Variants in PARD3 observed in about 807,000 individuals in gnomAD.
PARD3 encodes the protein par-3 family cell polarity regulator.
PARD3 carries 75 observed loss-of-function variants against 155.4 expected under a neutral mutation model. That is an observed-to-expected ratio of 0.48 (90% CI 0.40 to 0.58). PARD3 has a LOEUF of 0.58. Among genes scored for constraint, PARD3 ranks in the 20% least tolerant of loss-of-function variants. The probability of loss-of-function intolerance (pLI) is 0.00; values close to 1 mark genes in which losing one functional copy is unlikely to be tolerated. For missense variants in PARD3, 1,642 were observed against 1,721.7 expected (o/e 0.95, Z 0.82); for synonymous variants, 576 against 610.5 (o/e 0.94, Z 0.83).
intron 1 of PARD3, among the ~76,000 whole-genome samples, chr10:34,806,705 T>C (rs1162084337): frequency 3.3e-5 from 5 of 152,006 alleles, no homozygotes; most frequent in African/African-American, 7.2e-5. Context: ...CATTTCAAAG[T>C]TGGGGGGGTC....
chr10:34,240,837 C>T (rs1194165555), intron 22 of PARD3, among the ~76,000 whole-genome samples: 1 of 152,048 alleles, frequency 6.6e-6, no homozygotes, highest in Non-Finnish European at 1.5e-5. Flanking sequence ...GAGAGAAGGA[C>T]CTCGAGCAGA....
intron 1 of PARD3, among the ~76,000 whole-genome samples, chr10:34,705,263 A>C (rs6481907): frequency 6.6e-6 from 1 of 151,908 alleles, no homozygotes; most frequent in Non-Finnish European, 1.5e-5. Context: ...CCAGGAGTTC[A>C]AGACCAGCCT....
chr10:34,145,215 ATATATATTTT>A (rs1352834318), intron 22 of PARD3, among the ~76,000 whole-genome samples: 13 of 57,614 alleles, frequency 2.3e-4, no homozygotes, highest in African/African-American at 1.2e-3. Flanking sequence ...ATATATATAT[ATATATATTTT>A]TTTTTTTTTT....
chr10:34,600,514 C>G (rs2089672632), intron 2 of PARD3, among the ~76,000 whole-genome samples: 1 of 151,924 alleles, frequency 6.6e-6, no homozygotes, highest in Non-Finnish European at 1.5e-5. Context: ...CATGTGTCCA[C>G]CAGAATATCT....
intron 1 of PARD3, among the ~76,000 whole-genome samples, chr10:34,707,603 C>T (rs184029205): frequency 6.6e-6 from 1 of 152,198 alleles, no homozygotes; most frequent in Admixed American, 6.5e-5. Context: ...CTATACACTA[C>T]GTTTTAGCCC....
At chr10:34,561,193 AAG>A (rs2134058933) in intron 2 of PARD3, among the ~76,000 whole-genome samples, 1 of 152,276 alleles carries the variant, frequency 6.6e-6, no homozygotes, top group African/African-American at 2.4e-5. Flanking sequence ...TAAGAAAATC[AAG>A]AGGTCTCTGA....
chr10:34,572,485 C>A (rs1474157601), intron 2 of PARD3, among the ~76,000 whole-genome samples: 2 of 151,840 alleles, frequency 1.3e-5, no homozygotes, highest in African/African-American at 4.8e-5. Context: ...ACCAAAAATA[C>A]AAAAATTAGC....
At chr10:34,145,452 A>G (rs184324448) in intron 22 of PARD3, among the ~76,000 whole-genome samples, 1 of 151,594 alleles carries the variant, frequency 6.6e-6, no homozygotes, top group African/African-American at 2.4e-5. Flanking sequence ...TGGACCTCCC[A>G]GAATGAACTT....
At chr10:34,530,339 T>A (rs917094110) in intron 2 of PARD3, among the ~76,000 whole-genome samples, 2 of 152,206 alleles carry the variant, frequency 1.3e-5, no homozygotes, top group Non-Finnish European at 2.9e-5. Context: ...GTCCATATTA[T>A]AAAAGAAGTC....
intron 1 of PARD3, among the ~76,000 whole-genome samples, chr10:34,807,692 A>C (rs1186683011): frequency 1.5e-5 from 1 of 65,780 alleles, no homozygotes; most frequent in African/African-American, 1.2e-4. Context: ...GTGTGTGTGT[A>C]TATATATAAA....
intron 22 of PARD3, among the ~76,000 whole-genome samples, chr10:34,198,745 T>C (rs1951073116): frequency 6.6e-6 from 1 of 152,064 alleles, no homozygotes; most frequent in African/African-American, 2.4e-5. Flanking sequence ...CCCCAAACAG[T>C]CAACCCCTTA....
intron 4 of PARD3, among the ~76,000 whole-genome samples, chr10:34,459,673 T>G (rs1270978757): frequency 6.6e-6 from 1 of 152,142 alleles, no homozygotes; most frequent in African/African-American, 2.4e-5. Context: ...ATTATTTAGA[T>G]GTGCATCATA....
intron 22 of PARD3, among the ~76,000 whole-genome samples, chr10:34,169,001 C>A (rs1295795170): frequency 1.3e-5 from 2 of 152,238 alleles, no homozygotes; most frequent in Non-Finnish European, 2.9e-5. Flanking sequence ...AGTACAGAAT[C>A]TTCTCTGCTC....
At chr10:34,641,717 C>G (rs1476403271) in intron 2 of PARD3, among the ~76,000 whole-genome samples, 1 of 152,196 alleles carries the variant, frequency 6.6e-6, no homozygotes, top group Non-Finnish European at 1.5e-5. Flanking sequence ...CGCAGTTCAT[C>G]AGTCCTGAGC....
chr10:34,533,476 A>G (rs2083000116), intron 2 of PARD3, among the ~76,000 whole-genome samples: 1 of 152,138 alleles, frequency 6.6e-6, no homozygotes, highest in African/African-American at 2.4e-5. Flanking sequence ...ATCACTCTAT[A>G]TCAACTATAA....
At chr10:34,134,433 G>T (rs980123454) in intron 22 of PARD3, among the ~76,000 whole-genome samples, 3 of 152,196 alleles carry the variant, frequency 2.0e-5, no homozygotes, top group African/African-American at 7.2e-5. Context: ...TTAGGATCAT[G>T]AAGTTGAAAC....
intron 2 of PARD3, among the ~76,000 whole-genome samples, chr10:34,562,954 G>C (rs934218773): frequency 6.6e-6 from 1 of 151,840 alleles, no homozygotes; most frequent in Non-Finnish European, 1.5e-5. Context: ...ATATTTTGTA[G>C]TGACAGGTGT....
chr10:34,773,528 C>G (rs1013729332), intron 1 of PARD3, among the ~76,000 whole-genome samples: 2 of 152,176 alleles, frequency 1.3e-5, no homozygotes, highest in African/African-American at 4.8e-5. Flanking sequence ...TCTTGATAAT[C>G]ATGCCAAATT....
intron 4 of PARD3, among the ~76,000 whole-genome samples, chr10:34,451,924 C>G (rs708398): frequency 5.9e-5 from 9 of 151,648 alleles, no homozygotes; most frequent in Non-Finnish European, 1.3e-4. Context: ...AAGGAAATAC[C>G]GTTTCATATG....
Sources: allele counts gnomAD v4.1 joint callset (sites outside exome capture counted in the v4.1 genomes callset), GRCh38; gene constraint gnomAD v4.1.1; transcripts MANE v1.5; gene names NCBI Gene and HGNC (gene_info 2026-07-23, HGNC 2026-07-21).